FSTL4: variants seen among roughly 807,000 people sequenced by gnomAD.
FSTL4 encodes the protein follistatin like 4.
A neutral mutation model predicts 78.2 loss-of-function variants in FSTL4; 28 were observed. The observed-to-expected ratio is 0.36, with a 90% CI of 0.27 to 0.49. The LOEUF (loss-of-function observed/expected upper bound fraction) is 0.49. Among genes scored for constraint, FSTL4 ranks in the 20% least tolerant of loss-of-function variants. FSTL4 has a pLI of 0.98. For missense variants in FSTL4, 922 were observed against 1,084.9 expected, an observed-to-expected ratio of 0.85 and a Z score of 2.11; for synonymous variants, 422 against 440.5, an observed-to-expected ratio of 0.96 and a Z score of 0.53.
chr5:133,417,681 G>A (rs1012581616), intron 3 of FSTL4, among the ~76,000 whole-genome samples: 1 of 152,100 alleles, frequency 6.6e-6, no homozygotes, highest in African/African-American at 2.4e-5. Context: ...GTTTCAGCTG[G>A]GTGTGGTGGC....
chr5:133,766,967 G>A, the FSTL4 span, among the ~76,000 whole-genome samples: 4 of 152,338 alleles, frequency 2.6e-5, no homozygotes, highest in East Asian at 3.9e-4. Context: ...GCAAAAGTGC[G>A]AAGACAGGTG....
the FSTL4 span, among the ~76,000 whole-genome samples, chr5:133,803,059 A>G: frequency 6.6e-6 from 1 of 152,206 alleles, no homozygotes; most frequent in East Asian, 1.9e-4. Flanking sequence ...AGACTCACAC[A>G]TGAACAAACA....
intron 3 of FSTL4, among the ~76,000 whole-genome samples, chr5:133,499,798 C>T (rs1422573348): frequency 2.6e-5 from 4 of 152,078 alleles, no homozygotes; most frequent in Non-Finnish European, 4.4e-5. Context: ...TCTCTACCTC[C>T]GACAGTACAC....
chr5:133,767,326 T>C, the FSTL4 span, among the ~76,000 whole-genome samples: 1 of 152,102 alleles, frequency 6.6e-6, no homozygotes, highest in Admixed American at 6.5e-5. Flanking sequence ...GTAGAGTGGG[T>C]TCTGCACCTG....
At chr5:133,773,262 A>G in the FSTL4 span, among the ~76,000 whole-genome samples, 1 of 151,876 alleles carries the variant, frequency 6.6e-6, no homozygotes, top group Non-Finnish European at 1.5e-5. Context: ...ATGACCAAAA[A>G]AAAAAAAAAA....
the FSTL4 span, among the ~76,000 whole-genome samples, chr5:133,737,675 G>A: frequency 1.4e-5 from 2 of 143,184 alleles, no homozygotes; most frequent in Non-Finnish European, 3.0e-5. Flanking sequence ...TGCGATCTCA[G>A]CTCACTACAA....
chr5:133,220,754 C>T lies in FSTL4; in HGVS notation c.1452G>A (p.Met484Ile), dbSNP rs148816407. Reference protein sequence around the residue: ...RHLKPTEKIFMSYEEICPQRE... With the variant: ...RHLKPTEKIFISYEEICPQRE... ...CCCAGGCACAGTTACTTACATAGCT[C>T]ATGAAAATCTTTTCCGTGGGTTTGA... Residue 484 changes from methionine to isoleucine, a missense_variant, in exon 12 of 16, where the codon ATG becomes ATA. Coordinates refer to ENST00000265342, the MANE Select transcript of FSTL4 (RefSeq NM_015082.2). 2.9e-5 allele frequency: 45 copies of T among 1,545,442 alleles called. No individual in the cohort carries two copies. Among genetic ancestry groups the T allele is most frequent in the Middle Eastern group, 1.7e-4 (1 of 5,936 alleles).
the FSTL4 span, among the ~76,000 whole-genome samples, chr5:133,680,363 C>T: frequency 0.55 from 83,246 of 152,068 alleles, 24,685 homozygotes; most frequent in East Asian, 0.74. Context: ...TTCCACCAGA[C>T]GTGTAGCACC....
chr5:133,465,399 G>A (rs1255134669), intron 3 of FSTL4, among the ~76,000 whole-genome samples: 2 of 152,246 alleles, frequency 1.3e-5, no homozygotes, highest in African/African-American at 2.4e-5. Flanking sequence ...ATTCTGTGCT[G>A]TCTTGTATTA....
intron 3 of FSTL4, among the ~76,000 whole-genome samples, chr5:133,503,415 C>G (rs1758541501): frequency 6.6e-6 from 1 of 152,148 alleles, no homozygotes; most frequent in East Asian, 1.9e-4. Flanking sequence ...TAACAATAAG[C>G]TCGCATAAGC....
intron 4 of FSTL4, among the ~76,000 whole-genome samples, chr5:133,336,090 A>G (rs1754456922): frequency 6.6e-6 from 1 of 152,220 alleles, no homozygotes; most frequent in African/African-American, 2.4e-5. Flanking sequence ...TCCCAGATTG[A>G]ACATAGACCA....
rs1441146004 is a variant in FSTL4, at chr5:133,360,901, T to C, written c.409+39837A>G. 5.3e-5 allele frequency among the ~76,000 whole-genome samples: 8 copies of C among 152,222 alleles called. No homozygotes were observed. The South Asian group carries it at 1.7e-3, about 32-fold the overall frequency. ...ATACTCCCTAACGCAGGGAGCTTAA[T>C]TGCCATCTTACCGTGTGTTGCATTT... On this transcript the variant is annotated intron_variant, in intron 4 of 15. Coordinates refer to ENST00000265342, the MANE Select transcript of FSTL4 (RefSeq NM_015082.2).
At chr5:133,805,287 A>G in the FSTL4 span, among the ~76,000 whole-genome samples, 9 of 152,078 alleles carry the variant, frequency 5.9e-5, no homozygotes, top group East Asian at 1.6e-3. Context: ...GCATAACCCC[A>G]TGCGCTATTA....
At position 133,331,972 on chromosome 5, in the gene FSTL4, G is replaced by A. The variant is rs118067624; in HGVS notation, c.410-15320C>T. On this transcript the variant is annotated intron_variant, in intron 4 of 15. Coordinates refer to ENST00000265342, the MANE Select transcript of FSTL4 (RefSeq NM_015082.2). ...ATTTCTGTGAAAGTCGGTGCCAGGC[G>A]GAACGTGTGGGTTTTTCAACCTGAA... Among the ~76,000 whole-genome samples the A allele has an allele frequency of 8.3e-4, 127 of 152,300 alleles. 2 individuals carry two copies. In the East Asian group the frequency reaches 0.02, roughly 24 times the overall value.
intron 3 of FSTL4, among the ~76,000 whole-genome samples, chr5:133,501,634 A>C (rs1171474269): frequency 1.3e-5 from 2 of 152,200 alleles, no homozygotes; most frequent in Non-Finnish European, 2.9e-5. Flanking sequence ...AATTCTAAAA[A>C]TGCCTCCTCA....
intron 3 of FSTL4, among the ~76,000 whole-genome samples, chr5:133,430,662 T>C (rs1756914659): frequency 6.6e-6 from 1 of 152,186 alleles, no homozygotes; most frequent in African/African-American, 2.4e-5. Flanking sequence ...CTTTCCAAAA[T>C]AACAGATTGG....
chr5:133,753,282 C>A, the FSTL4 span, among the ~76,000 whole-genome samples: 1 of 152,124 alleles, frequency 6.6e-6, no homozygotes, highest in Non-Finnish European at 1.5e-5. Flanking sequence ...CTCCTTATAA[C>A]CAGAAAATGA....
At chr5:133,669,877 C>G in the FSTL4 span, among the ~76,000 whole-genome samples, 1 of 152,172 alleles carries the variant, frequency 6.6e-6, no homozygotes, top group Non-Finnish European at 1.5e-5. Flanking sequence ...TAGGCTGAGC[C>G]TCTCTGCTCT....
intron 7 of FSTL4, chr5:133,246,456 G>C (rs913320029): frequency 1.2e-4 from 18 of 152,298 alleles, no homozygotes. Context: ...TTGTGTGCCA[G>C]GCACTGAGCT....
Sources: gnomAD v4.1 joint callset for allele counts (sites outside exome capture counted in the v4.1 genomes callset) on GRCh38, gnomAD v4.1.1 for gene constraint, MANE v1.5 for transcripts, NCBI Gene and HGNC (gene_info 2026-07-23, HGNC 2026-07-21) for gene names.